LNX2: variants seen among roughly 807,000 people sequenced by gnomAD.
The protein encoded by LNX2 is ligand of numb-protein X 2.
In LNX2, 35 loss-of-function variants were observed where a neutral mutation model predicts 66.2. The ratio of observed to expected loss-of-function variants is 0.53; its 90% confidence interval spans 0.40 to 0.70. LNX2 has a LOEUF of 0.70. Among genes scored for constraint, LNX2 ranks in the 30% least tolerant of loss-of-function variants. The probability of loss-of-function intolerance (pLI) is 0.00; values close to 1 mark genes in which losing one functional copy is unlikely to be tolerated. For missense variants in LNX2, 791 were observed against 850.8 expected (o/e 0.93, Z 0.87); for synonymous variants, 337 against 315.6 (o/e 1.07, Z -0.72).
rs532486755 is a variant in LNX2, at chr13:27,608,401, T to C, written c.-101+11974A>G. Among the ~76,000 whole-genome samples, 131 of 152,300 alleles carry C rather than the reference T, an allele frequency of 8.6e-4. 2 individuals carry two copies. The highest frequency in any genetic ancestry group is 2.2e-3 in the African/African-American group (91 of 41,560). On this transcript the variant is annotated intron_variant, in intron 1 of 9. Coordinates refer to ENST00000316334, the MANE Select transcript of LNX2 (RefSeq NM_153371.4). ...ATCTAGAATGGTACACAGCACAGAA[T>C]AGGCATTCAAATATTTGTTGGAAAA...
intron 2 of LNX2, among the ~76,000 whole-genome samples, chr13:27,577,874 G>A (rs1245354559): frequency 2.0e-5 from 3 of 152,124 alleles, no homozygotes; most frequent in African/African-American, 4.8e-5. Flanking sequence ...GAGCGTAGGA[G>A]GAATGCTATA....
chr13:27,602,864 GT>G (rs149928406), intron 1 of LNX2, among the ~76,000 whole-genome samples: 5,873 of 152,138 alleles, frequency 0.039, 139 homozygotes, highest in East Asian at 0.094. Context: ...TAGCCATTGT[GT>G]TATGTGTGAT....
chr13:27,579,438 A>G (rs768390578), intron 2 of LNX2, among the ~76,000 whole-genome samples: 44 of 152,190 alleles, frequency 2.9e-4, no homozygotes, highest in Non-Finnish European at 2.4e-4. Flanking sequence ...GAAATGATAA[A>G]ATTGGTTACT....
At chr13:27,620,773 C>G (rs1245232172), upstream of LNX2, 1 of 153,170 alleles carries the variant, frequency 6.5e-6, no homozygotes, top group African/African-American at 2.4e-5. Flanking sequence ...CTCCCCCACT[C>G]GCCCCGGGCT....
chr13:27,556,296 T>C lies in LNX2; in HGVS notation c.1486A>G (p.Ile496Val), dbSNP rs886526783. 3.1e-6 allele frequency: 5 copies of C among 1,613,944 alleles called. No individual in the cohort carries two copies. The East Asian group carries it at 1.1e-4, about 36-fold the overall frequency. The change falls in exon 7 of 10, where the codon ATC becomes GTC. Residue 496 changes from isoleucine to valine, a missense_variant. Coordinates refer to ENST00000316334, the MANE Select transcript of LNX2 (RefSeq NM_153371.4). ...TGGGGTGGCACACTGGTCACAAAGA[T>C]GGGCAGCTCACCACTCTTACTTCCC... ...GRGSKSGELP[I>V]FVTSVPPHGC...
At chr13:27,573,904 C>A (rs1955314377) in intron 2 of LNX2, among the ~76,000 whole-genome samples, 2 of 134,500 alleles carry the variant, frequency 1.5e-5, no homozygotes, top group African/African-American at 2.9e-5. Context: ...TGCAAAGAAA[C>A]AAGTACAGCC....
intron 1 of LNX2, among the ~76,000 whole-genome samples, chr13:27,582,302 C>T (rs1322271618): frequency 6.6e-6 from 1 of 152,042 alleles, no homozygotes; most frequent in Non-Finnish European, 1.5e-5. Context: ...GCTAGGATTA[C>T]AGGTGTGAGC....
intron 1 of LNX2, among the ~76,000 whole-genome samples, chr13:27,590,891 T>C (rs1955539917): frequency 1.3e-5 from 2 of 152,304 alleles, no homozygotes; most frequent in South Asian, 4.1e-4. Context: ...AGCTAATCAG[T>C]GACACCAATA....
At position 27,545,917 on chromosome 13, in the gene LNX2, A is replaced by C. The variant is rs1281135733; in HGVS notation, c.*2418T>G. 1 of 152,204 alleles carries C rather than the reference A, an allele frequency of 6.6e-6. No individual in the cohort carries two copies. The highest frequency in any genetic ancestry group is 1.9e-4 in the East Asian group (1 of 5,198). 9.4% of individuals were successfully genotyped at this position (152,204 alleles called of 1,614,324 possible). On this transcript the variant is annotated 3_prime_UTR_variant, in exon 10 of 10. Coordinates refer to ENST00000316334, the MANE Select transcript of LNX2 (RefSeq NM_153371.4). ...AGAAAAGAGACAACGTCACTATTAC[A>C]GAAAGGATGACTTTTATTTCCATCC...
intron 1 of LNX2, among the ~76,000 whole-genome samples, chr13:27,606,446 T>C (rs1018791105): frequency 3.3e-5 from 5 of 150,390 alleles, no homozygotes; most frequent in African/African-American, 2.4e-5. Context: ...TTCACAATTA[T>C]ATCCAACAAA....
chr13:27,590,461 T>C (rs1285533053), intron 1 of LNX2, among the ~76,000 whole-genome samples: 1 of 151,712 alleles, frequency 6.6e-6, no homozygotes, highest in Non-Finnish European at 1.5e-5. Context: ...TCAAGTGATC[T>C]GCCCGCCTCG....
At chr13:27,554,595 G>C (rs1237470795) in intron 7 of LNX2, among the ~76,000 whole-genome samples, 1 of 152,132 alleles carries the variant, frequency 6.6e-6, no homozygotes, top group Admixed American at 6.5e-5. Context: ...ATCATATTTT[G>C]CTGTATGGGT....
At chr13:27,570,124 C>T (rs1391451631) in intron 2 of LNX2, among the ~76,000 whole-genome samples, 5 of 152,120 alleles carry the variant, frequency 3.3e-5, no homozygotes, top group Non-Finnish European at 2.9e-5. Context: ...CTTGATTGGA[C>T]AGTGACTAAT....
intron 1 of LNX2, among the ~76,000 whole-genome samples, chr13:27,589,782 G>T (rs1274151760): frequency 1.3e-5 from 2 of 152,174 alleles, no homozygotes; most frequent in Non-Finnish European, 2.9e-5. Flanking sequence ...ATTTCAAAAA[G>T]GAAATATATT....
chr13:27,568,707 A>C (rs939011059), intron 3 of LNX2, among the ~76,000 whole-genome samples: 24 of 152,346 alleles, frequency 1.6e-4, no homozygotes, highest in African/African-American at 5.5e-4. Context: ...TTATGACAAG[A>C]AGCAAACAAG....
In LNX2 at chr13:27,604,241, G is replaced by A. The variant is rs191110697; in HGVS notation, c.-101+16134C>T. 3.7e-4 allele frequency among the ~76,000 whole-genome samples: 57 copies of A among 152,324 alleles called. 1 individual carries two copies. In the East Asian group the frequency reaches 0.01, roughly 28 times the overall value. On this transcript the variant is annotated intron_variant, in intron 1 of 9. Transcript: ENST00000316334. ...AGCCTGGGCGACAGAGCGAGACTCCGTCTCAAAAATCACAGTATAAAATGA... is the reference window on the plus strand; with the variant it reads ...AGCCTGGGCGACAGAGCGAGACTCCATCTCAAAAATCACAGTATAAAATGA...
At chr13:27,553,923 C>T (rs1337488169) in intron 7 of LNX2, among the ~76,000 whole-genome samples, 1 of 152,158 alleles carries the variant, frequency 6.6e-6, no homozygotes, top group Non-Finnish European at 1.5e-5. Context: ...AGAATATGTA[C>T]AAAGAAGCTA....
chr13:27,585,254 T>C (rs1035790466), intron 1 of LNX2, among the ~76,000 whole-genome samples: 1 of 151,408 alleles, frequency 6.6e-6, no homozygotes, highest in Non-Finnish European at 1.5e-5. Flanking sequence ...TGAAACCCCG[T>C]CTCTACTATA....
chr13:27,563,138 G>T (rs1334379387), intron 4 of LNX2, among the ~76,000 whole-genome samples: 1 of 152,112 alleles, frequency 6.6e-6, no homozygotes, highest in East Asian at 1.9e-4. Context: ...TACTTCATGG[G>T]ATCAGTATGA....
Sources: gnomAD v4.1 joint callset for allele counts (sites outside exome capture counted in the v4.1 genomes callset) on GRCh38, gnomAD v4.1.1 for gene constraint, MANE v1.5 for transcripts, NCBI Gene and HGNC (gene_info 2026-07-23, HGNC 2026-07-21) for gene names.